Variants in ROBO2 observed in about 807,000 individuals in gnomAD.
The protein encoded by ROBO2 is roundabout guidance receptor 2, also known as roundabout homolog 2.
In ROBO2, 53 loss-of-function variants were observed where a neutral mutation model predicts 160.8. The ratio of observed to expected loss-of-function variants is 0.33; its 90% CI spans 0.26 to 0.41. The LOEUF (loss-of-function observed/expected upper bound fraction) is 0.41. Among genes scored for constraint, ROBO2 ranks in the 10% least tolerant of loss-of-function variants. The pLI, the probability that ROBO2 is intolerant of heterozygous loss-of-function variation, is 1.00. For missense variants in ROBO2, 1,577 were observed against 1,722.4 expected (o/e 0.92, Z 1.49); for synonymous variants, 664 against 611.7 (o/e 1.09, Z -1.26).
intron 2 of ROBO2, among the ~76,000 whole-genome samples, chr3:77,284,261 G>A (rs770182167): frequency 6.6e-6 from 1 of 152,088 alleles, no homozygotes; most frequent in Non-Finnish European, 1.5e-5. Flanking sequence ...CTCTTCACAG[G>A]AGAAATTTAC....
At chr3:77,465,358 T>C (rs2082666776) in intron 2 of ROBO2, among the ~76,000 whole-genome samples, 1 of 152,120 alleles carries the variant, frequency 6.6e-6, no homozygotes, top group South Asian at 2.1e-4. Context: ...GTAACTACAA[T>C]GTAGAGATTT....
rs950900600 is a variant in ROBO2, at chr3:77,424,499, C to T, written c.389-52915C>T. Among the ~76,000 whole-genome samples the T allele has an allele frequency of 4.6e-5, 7 of 152,116 alleles. No homozygotes were observed. In the East Asian group the frequency reaches 5.8e-4, roughly 13 times the overall value. ...AGACTATTCCTTTGAGATTGAAAAG[C>T]GAGTGATACTTTGTCAAAGTGTTCT... On this transcript the variant is annotated intron_variant, in intron 2 of 25. Coordinates refer to ENST00000461745, the Ensembl canonical transcript of ROBO2.
intron 2 of ROBO2, among the ~76,000 whole-genome samples, chr3:77,315,182 A>G (rs2063868783): frequency 6.6e-6 from 1 of 152,130 alleles, no homozygotes; most frequent in African/African-American, 2.4e-5. Context: ...TGAACTTGGA[A>G]CTACACAAAG....
At chr3:76,234,735 C>T (rs542060974) in intron 2 of ROBO2, among the ~76,000 whole-genome samples, 3 of 152,288 alleles carry the variant, frequency 2.0e-5, no homozygotes, top group African/African-American at 7.2e-5. Flanking sequence ...TTTGCCTTTA[C>T]TACCAGTAAA....
At chr3:76,625,678 T>G (rs1274760748) in intron 2 of ROBO2, among the ~76,000 whole-genome samples, 1 of 152,126 alleles carries the variant, frequency 6.6e-6, no homozygotes, top group Non-Finnish European at 1.5e-5. Context: ...AGAACTTCAA[T>G]ATGCTTGACA....
At chr3:76,469,472 T>G (rs2078535662) in intron 2 of ROBO2, among the ~76,000 whole-genome samples, 1 of 152,064 alleles carries the variant, frequency 6.6e-6, no homozygotes, top group African/African-American at 2.4e-5. Flanking sequence ...TTAGAATAAA[T>G]ACAAAGTCTA....
At chr3:77,612,230 A>G (rs1305175177) in intron 21 of ROBO2, among the ~76,000 whole-genome samples, 1 of 152,228 alleles carries the variant, frequency 6.6e-6, no homozygotes, top group East Asian at 1.9e-4. Context: ...TACTACAAGA[A>G]AAAGTTGAAA....
intron 2 of ROBO2, among the ~76,000 whole-genome samples, chr3:76,557,889 A>T (rs549445807): frequency 0.027 from 1,311 of 49,256 alleles, 10 homozygotes; most frequent in Non-Finnish European, 0.07. Flanking sequence ...AATTACTTAA[A>T]AAAAAAAAAA....
chr3:77,084,163 TA>T (rs2069005682), intron 1 of ROBO2, among the ~76,000 whole-genome samples: 1 of 151,834 alleles, frequency 6.6e-6, no homozygotes, highest in Admixed American at 6.6e-5. Context: ...GTAACAAAAG[TA>T]ACCAGTAATA....
At chr3:76,319,955 A>T (rs1022990493) in intron 2 of ROBO2, among the ~76,000 whole-genome samples, 1 of 152,062 alleles carries the variant, frequency 6.6e-6, no homozygotes, top group African/African-American at 2.4e-5. Flanking sequence ...AGAGGGGGGA[A>T]GGCATCTGTA....
At chr3:76,640,475 G>A (rs1313900914) in intron 2 of ROBO2, among the ~76,000 whole-genome samples, 1 of 152,044 alleles carries the variant, frequency 6.6e-6, no homozygotes, top group Non-Finnish European at 1.5e-5. Context: ...AGGTTGCAGT[G>A]AGCCAAGATG....
intron 2 of ROBO2, among the ~76,000 whole-genome samples, chr3:77,183,729 G>T (rs2081020776): frequency 6.6e-6 from 1 of 152,018 alleles, no homozygotes; most frequent in African/African-American, 2.4e-5. Context: ...TATTTCATCA[G>T]TTCATTAGCA....
chr3:76,750,127 G>A (rs773633378), intron 2 of ROBO2, among the ~76,000 whole-genome samples: 13 of 152,246 alleles, frequency 8.5e-5, no homozygotes, highest in Admixed American at 3.3e-4. Context: ...TCCCTGGGAT[G>A]CAAGGCTGGT....
intron 2 of ROBO2, among the ~76,000 whole-genome samples, chr3:76,411,294 T>C (rs1028593071): frequency 7.0e-6 from 1 of 143,782 alleles, no homozygotes; most frequent in African/African-American, 3.0e-5. Flanking sequence ...TAAGACATGG[T>C]TCTTGTTCTC....
chr3:77,383,967 G>A (rs1238679287), intron 2 of ROBO2, among the ~76,000 whole-genome samples: 1 of 152,126 alleles, frequency 6.6e-6, no homozygotes, highest in African/African-American at 2.4e-5. Context: ...TTAACTAAAT[G>A]AGTTCTATCA....
At chr3:77,328,077 A>G (rs923993770) in intron 2 of ROBO2, among the ~76,000 whole-genome samples, 1 of 145,880 alleles carries the variant, frequency 6.9e-6, no homozygotes, top group African/African-American at 2.5e-5. Flanking sequence ...AAAAAAAAAA[A>G]AAAGAAAAGA....
intron 5 of ROBO2, among the ~76,000 whole-genome samples, chr3:77,521,281 T>G (rs2090569257): frequency 6.6e-6 from 1 of 151,278 alleles, no homozygotes; most frequent in Non-Finnish European, 1.5e-5. Context: ...ATTTTGCTCC[T>G]GAGCCTGTGC....
chr3:77,112,845 TAATA>T (rs1381705095), intron 2 of ROBO2, among the ~76,000 whole-genome samples: 1 of 152,136 alleles, frequency 6.6e-6, no homozygotes, highest in Non-Finnish European at 1.5e-5. Context: ...TAAACCTAAA[TAATA>T]AATAAACCTA....
chr3:76,876,694 A>G (rs915940938), intron 2 of ROBO2, among the ~76,000 whole-genome samples: 3 of 152,100 alleles, frequency 2.0e-5, no homozygotes, highest in Non-Finnish European at 4.4e-5. Context: ...AAAAAAGAGT[A>G]TCTTGAAGGT....
Sources: allele counts gnomAD v4.1 joint callset (sites outside exome capture counted in the v4.1 genomes callset), GRCh38; gene constraint gnomAD v4.1.1; transcripts MANE v1.5; gene names NCBI Gene and HGNC (gene_info 2026-07-23, HGNC 2026-07-21).